ARHGAP23: variants seen among roughly 807,000 people sequenced by gnomAD.
ARHGAP23 encodes the protein rho GTPase-activating protein 23.
Under a neutral mutation model 136.3 loss-of-function variants are expected in ARHGAP23, and 34 were observed. The observed-to-expected ratio is 0.25, with a 90% CI of 0.19 to 0.33. The LOEUF (loss-of-function observed/expected upper bound fraction) is 0.33. ARHGAP23 is among the 10% of genes least tolerant of loss of function. The pLI, the probability that ARHGAP23 is intolerant of heterozygous loss-of-function variation, is 1.00. For missense variants in ARHGAP23, 1,808 were observed against 2,139.0 expected, an observed-to-expected ratio of 0.85 and a Z score of 3.05; for synonymous variants, 832 against 920.5, an observed-to-expected ratio of 0.90 and a Z score of 1.74.
chr17:38,444,101 G>A (rs2038978465), intron 1 of ARHGAP23, among the ~76,000 whole-genome samples: 1 of 152,104 alleles, frequency 6.6e-6, no homozygotes, highest in Non-Finnish European at 1.5e-5. Context: ...GGGAGACCCC[G>A]AGATTCCACA....
At chr17:38,504,026 C>T (rs1468158782) in intron 23 of ARHGAP23, among the ~76,000 whole-genome samples, 1 of 152,216 alleles carries the variant, frequency 6.6e-6, no homozygotes, top group Non-Finnish European at 1.5e-5. Context: ...GGAACCAAGG[C>T]TCAGAGAACT....
At position 38,510,780 on chromosome 17, in the gene ARHGAP23, G is replaced by A. The variant is rs2040745665; in HGVS notation, c.4284G>A (p.Gly1428=). 2 of 1,500,288 alleles carry A rather than the reference G, an allele frequency of 1.3e-6. No individual in the cohort carries two copies. Among genetic ancestry groups the A allele is most frequent in the East Asian group, 2.9e-5 (1 of 34,992 alleles). The allele number at this position is 1,500,288 out of a possible 1,614,324, so 92.9% of individuals were successfully genotyped here. ...NFNEWKELGG[G]GPPEPAGARA... ...ACGAGTGGAAGGAGCTGGGCGGAGG[G>A]GGCCCCCCGGAGCCTGCGGGCGCGC... The change falls in exon 24 of 24, where the codon GGG becomes GGA. Residue 1428 remains glycine (G), a synonymous_variant. Coordinates refer to ENST00000622683, the MANE Select transcript of ARHGAP23 (RefSeq NM_001199417.2). This position sits in a 1 kb window ranked among gnomAD's most constrained non-coding sequence, Gnocchi z 4.6.
chr17:38,472,878 C>G (rs2039795217), intron 11 of ARHGAP23, among the ~76,000 whole-genome samples: 2 of 152,228 alleles, frequency 1.3e-5, no homozygotes, highest in Admixed American at 6.5e-5. Context: ...ATGAGATGAT[C>G]TAAGTAAAGG....
chr17:38,491,613 C>T (rs2040281211), intron 20 of ARHGAP23, 81 bp downstream of exon 20: 1 of 1,531,064 alleles, frequency 6.5e-7, no homozygotes, highest in Non-Finnish European at 8.8e-7. Context: ...CTTGCTCCGC[C>T]TGGCGGAGTG....
chr17:38,460,892 CTG>C lies in ARHGAP23; in HGVS notation c.226-11_226-10del, dbSNP rs1210018510. ...TGGACTGACGCCCACACCCACTCCT[CTG>C]TTCCCTGCAGGAGGAAGAGAATGGA... On this transcript the variant is annotated splice_polypyrimidine_tract_variant and intron_variant, in intron 2 of 23. Coordinates refer to ENST00000622683, the MANE Select transcript of ARHGAP23 (RefSeq NM_001199417.2). The C allele has an allele frequency of 3.3e-6, 5 of 1,536,094 alleles. No individual in the cohort carries two copies. Among genetic ancestry groups the C allele is most frequent in the Middle Eastern group, 3.3e-4 (2 of 5,988 alleles).
At chr17:38,481,900 C>G (rs1396769907) in intron 14 of ARHGAP23, 122 bp from the exon 15 acceptor site, 3 of 889,154 alleles carry the variant, frequency 3.4e-6, no homozygotes, top group Admixed American at 3.8e-5. Context: ...CCCATCAGCC[C>G]TGGGCATCTG....
In ARHGAP23 at chr17:38,444,811, T is replaced by C. The variant is rs940399359; in HGVS notation, c.64-13291T>C. On this transcript the variant is annotated intron_variant, in intron 1 of 23. Transcript: ENST00000622683. ...AGGAGAGACCTGTTCATTTGTTTCA[T>C]CTTTCAACATTTTTTTTTTTTTTGA... 4.7e-5 allele frequency among the ~76,000 whole-genome samples: 7 copies of C among 147,780 alleles called. No homozygotes were observed. The East Asian group carries it at 1.4e-3, about 29-fold the overall frequency.
rs1386623526 is a variant in ARHGAP23 at position 38,510,887 on chromosome 17, A to C, written c.4391A>C (p.Gln1464Pro). The C allele has an allele frequency of 6.7e-7, 1 of 1,492,512 alleles. No homozygotes were observed. The highest frequency in any genetic ancestry group is 1.5e-5 in the African/African-American group (1 of 68,350). The allele number at this position is 1,492,512 out of a possible 1,614,324, so 92.5% of individuals were successfully genotyped here. Reference protein sequence around the residue: ...KARAPSSAASQPPAPGDTGSL... With the variant: ...KARAPSSAASPPPAPGDTGSL... Reference sequence around the variant, plus strand: ...CGGGCCCCGTCGTCCGCTGCCTCGCAGCCGCCCGCGCCCGGGGACACGGGG... The same window carrying C: ...CGGGCCCCGTCGTCCGCTGCCTCGCCGCCGCCCGCGCCCGGGGACACGGGG... The change falls in exon 24 of 24, where the codon CAG becomes CCG. Residue 1464 changes from glutamine to proline, a missense_variant. Physicochemically the swap from Gln to Pro is moderately conservative, Grantham distance 76. Around this residue, in one of 7 missense-constraint regions of ARHGAP23, gnomAD observed 506 missense variants for 455.8 expected, o/e 1.11. Coordinates refer to ENST00000622683, the MANE Select transcript of ARHGAP23 (RefSeq NM_001199417.2). The surrounding 1 kb of genome is among the most constrained non-coding windows in gnomAD (Gnocchi z 4.6).
chr17:38,443,407 C>A (rs895706996), intron 1 of ARHGAP23, among the ~76,000 whole-genome samples: 1 of 152,160 alleles, frequency 6.6e-6, no homozygotes, highest in African/African-American at 2.4e-5. Context: ...TATCCTGTCC[C>A]CAAATGTGGG....
intron 20 of ARHGAP23, among the ~76,000 whole-genome samples, chr17:38,497,455 G>A (rs2040417936): frequency 6.6e-6 from 1 of 152,200 alleles, no homozygotes; most frequent in South Asian, 2.1e-4. Flanking sequence ...ACAGGGGTGT[G>A]CCCAGGACAG....
intron 1 of ARHGAP23, among the ~76,000 whole-genome samples, chr17:38,433,212 T>C (rs1418356032): frequency 6.6e-6 from 1 of 152,186 alleles, no homozygotes; most frequent in Non-Finnish European, 1.5e-5. Flanking sequence ...CCTCCCACTT[T>C]GGCCTCCCAA....
intron 3 of ARHGAP23, among the ~76,000 whole-genome samples, chr17:38,462,247 CTTTTTTTTTT>C (rs59822011): frequency 4.3e-5 from 2 of 46,850 alleles, no homozygotes; most frequent in Admixed American, 3.7e-4. Flanking sequence ...CGCACCCGGC[CTTTTTTTTTT>C]TTTTTTTTTT....
At chr17:38,500,369 G>T (rs924110400) in intron 22 of ARHGAP23, 2 of 560,580 alleles carry the variant, frequency 3.6e-6, no homozygotes, top group African/African-American at 3.8e-5. Flanking sequence ...GCAGCCTGAT[G>T]TCACTTCCTG....
chr17:38,510,731 G>A lies in ARHGAP23; in HGVS notation c.4235G>A (p.Ser1412Asn). 2 of 1,478,360 alleles carry A rather than the reference G, an allele frequency of 1.4e-6. No individual in the cohort carries two copies. The highest frequency in any genetic ancestry group is 1.8e-6 in the Non-Finnish European group (2 of 1,117,580). 91.6% of individuals were successfully genotyped at this position (1,478,360 alleles called of 1,614,324 possible). A position where few individuals can be genotyped will look rare whatever the true frequency, so the allele number is the denominator to read the frequency against. ...SWRRHTVVVQ[S>N]PLTDLNFNEW... Reference sequence around the variant, plus strand: ...CGCCGCCACACCGTGGTGGTGCAGAGCCCGCTGACTGACCTCAACTTCAAC... The same window carrying A: ...CGCCGCCACACCGTGGTGGTGCAGAACCCGCTGACTGACCTCAACTTCAAC... The change falls in exon 24 of 24, where the codon AGC (serine) becomes AAC (asparagine). Residue 1412 changes from serine to asparagine, a missense_variant. By Grantham distance (46) the Ser-to-Asn change is conservative. Transcript: ENST00000622683. This position sits in a 1 kb window ranked among gnomAD's most constrained non-coding sequence, Gnocchi z 4.6.
Position 38,466,479 on chromosome 17 carries a change from A to G in ARHGAP23, c.796A>G (p.Thr266Ala), listed in dbSNP as rs1187278429. 3 of 1,517,162 alleles carry G rather than the reference A, an allele frequency of 2.0e-6. No individual in the cohort carries two copies. Among genetic ancestry groups the G allele is most frequent in the Non-Finnish European group, 2.6e-6 (3 of 1,135,372 alleles). The allele number at this position is 1,517,162 out of a possible 1,614,324, so 94.0% of individuals were successfully genotyped here. The change falls in exon 7 of 24, where the codon ACG becomes GCG. Residue 266 changes from threonine (T) to alanine (A), a missense_variant. Thr to Ala is a moderately conservative substitution (Grantham distance 58). Around this residue, in one of 7 missense-constraint regions of ARHGAP23, gnomAD observed 859 missense variants for 936.4 expected, o/e 0.92. Transcript: ENST00000622683. ...CCCCCACCTCTCCTCGGAGCCCCGGACGCCCCGTGCCTTCCCAGAGCCTGG... is the reference window on the plus strand; with the variant it reads ...CCCCCACCTCTCCTCGGAGCCCCGGGCGCCCCGTGCCTTCCCAGAGCCTGG... The part of the protein sequence containing the change: ...AFPHLSSEPR[T>A]PRAFPEPGSR...
At chr17:38,485,929 T>C (rs1376518736) in intron 16 of ARHGAP23, 133 bp from the exon 17 acceptor site, 2 of 751,308 alleles carry the variant, frequency 2.7e-6, no homozygotes, top group Non-Finnish European at 4.4e-6. Flanking sequence ...ACCATCCTGA[T>C]GAGTAGAGAG....
At chr17:38,427,949 T>C (rs997755488), upstream of ARHGAP23, among the ~76,000 whole-genome samples, 2 of 152,214 alleles carry the variant, frequency 1.3e-5, no homozygotes, top group Non-Finnish European at 2.9e-5. Context: ...TTTCTGATCC[T>C]GGGTCTCCTC....
chr17:38,472,570 G>A (rs1014357714), intron 11 of ARHGAP23, among the ~76,000 whole-genome samples: 3 of 151,750 alleles, frequency 2.0e-5, no homozygotes, highest in South Asian at 2.1e-4. Flanking sequence ...AGGGGGCTTC[G>A]GGGAGTAGTT....
chr17:38,478,985 C>G (rs1476083909), intron 12 of ARHGAP23, among the ~76,000 whole-genome samples: 1 of 152,170 alleles, frequency 6.6e-6, no homozygotes, highest in Non-Finnish European at 1.5e-5. Flanking sequence ...CCGGGAACAG[C>G]TTTCCCCACT....
Sources: gnomAD v4.1 joint callset for allele counts (sites outside exome capture counted in the v4.1 genomes callset) on GRCh38, gnomAD v4.1.1 for gene constraint, gnomAD v4.1.1 regional missense constraint, Gnocchi (gnomAD v3.1) non-coding constraint, MANE v1.5 for transcripts, NCBI Gene and HGNC (gene_info 2026-07-23, HGNC 2026-07-21) for gene names.